The following GMCL1 variants were observed in gnomAD, a reference collection of about 807,000 sequenced individuals.
The protein encoded by GMCL1 is germ cell-less 1, spermatogenesis associated, also known as germ cell-less protein-like 1.
GMCL1 carries 54 observed loss-of-function variants against 75.5 expected under a neutral mutation model. The ratio of observed to expected loss-of-function variants is 0.71; its 90% CI spans 0.57 to 0.90. The LOEUF (loss-of-function observed/expected upper bound fraction) is 0.90. Ranked by LOEUF, GMCL1 falls within the 40% of genes least tolerant of loss-of-function variation. The probability of loss-of-function intolerance (pLI) is 0.00; values close to 1 mark genes in which losing one functional copy is unlikely to be tolerated. For synonymous variants in GMCL1, 210 were observed against 209.6 expected (o/e 1.00, Z -0.02); for missense variants, 537 against 622.7 (o/e 0.86, Z 1.47).
chr2:69,861,084 C>A (rs529040393), intron 9 of GMCL1, among the ~76,000 whole-genome samples, 194 bp from the exon 10 acceptor site: 1 of 151,432 alleles, frequency 6.6e-6, no homozygotes, highest in Non-Finnish European at 1.5e-5. Context: ...CTCAGGTGAT[C>A]CACCTGCCTT....
intron 9 of GMCL1, among the ~76,000 whole-genome samples, chr2:69,857,559 T>C (rs1675511136): frequency 6.6e-6 from 1 of 152,224 alleles, no homozygotes; most frequent in African/African-American, 2.4e-5. Flanking sequence ...AATGAAAAGG[T>C]ATGTAAATCC....
rs767583680 is a variant in GMCL1 at position 69,849,779 on chromosome 2, G to T, written c.934+37G>T. The stretch of plus-strand genomic sequence containing the variant: ...GTTTTTGAGAACTTGTCTTTTAAAA[G>T]GAAATTTGTTAAAATCAGGCCCCAT... On this transcript the variant is annotated intron_variant, in intron 8 of 13. Coordinates refer to ENST00000282570, the MANE Select transcript of GMCL1 (RefSeq NM_178439.5). 20 of 1,333,870 alleles carry T rather than the reference G, an allele frequency of 1.5e-5. No homozygotes were observed. The East Asian group carries it at 4.6e-4, about 31-fold the overall frequency. The allele number at this position is 1,333,870 out of a possible 1,614,324, so 82.6% of individuals were successfully genotyped here.
At chr2:69,850,948 T>G (rs1675302069) in intron 8 of GMCL1, among the ~76,000 whole-genome samples, 1 of 152,240 alleles carries the variant, frequency 6.6e-6, no homozygotes, top group East Asian at 1.9e-4. Flanking sequence ...AGAGATTGAA[T>G]GACTCTTAAT....
intron 7 of GMCL1, among the ~76,000 whole-genome samples, chr2:69,848,049 C>T (rs1031651882): frequency 6.6e-6 from 1 of 152,016 alleles, no homozygotes; most frequent in Non-Finnish European, 1.5e-5. Context: ...ATATGTTTTA[C>T]TTCATGCTTT....
chr2:69,871,718 T>A (rs772457933), intron 12 of GMCL1, 27 bp from the exon 13 acceptor site: 11 of 1,248,338 alleles, frequency 8.8e-6, no homozygotes, highest in African/African-American at 1.5e-5. Context: ...ATCTTGTGTT[T>A]ATTTTTTATT....
rs1479307419 is a variant in GMCL1 at position 69,830,156 on chromosome 2, C to A, written c.260+4C>A. ...GGCTCCTCAACACCCCTCGAAGGTA[C>A]GTGGGGGCACGCACCCGCGCGGACC... On this transcript the variant is annotated splice_donor_region_variant and intron_variant, in intron 1 of 13. Coordinates refer to ENST00000282570, the MANE Select transcript of GMCL1 (RefSeq NM_178439.5). 1.3e-6 allele frequency: 2 copies of A among 1,555,906 alleles called. No homozygotes were observed. Among genetic ancestry groups the A allele is most frequent in the Non-Finnish European group, 1.7e-6 (2 of 1,149,830 alleles).
intron 9 of GMCL1, among the ~76,000 whole-genome samples, chr2:69,860,396 A>G (rs910562387): frequency 6.6e-6 from 1 of 152,110 alleles, no homozygotes; most frequent in South Asian, 2.1e-4. Flanking sequence ...GTCTGTAATT[A>G]CAATTTTTAT....
intron 9 of GMCL1, 50 bp from the exon 10 acceptor site, chr2:69,861,228 T>G (rs1363536157): frequency 3.2e-6 from 4 of 1,261,866 alleles, no homozygotes; most frequent in African/African-American, 3.0e-5. Context: ...TTAAATCCTT[T>G]ATGTTCTTCA....
At chr2:69,861,144 A>T in intron 9 of GMCL1, 134 bp from the exon 10 acceptor site, 1 of 635,904 alleles carries the variant, frequency 1.6e-6, no homozygotes, top group Non-Finnish European at 2.6e-6. Flanking sequence ...TGCTTGGCCT[A>T]AGCTACCTAA....
At chr2:69,853,822 A>T (rs957084317) in intron 8 of GMCL1, among the ~76,000 whole-genome samples, 2 of 152,102 alleles carry the variant, frequency 1.3e-5, no homozygotes, top group African/African-American at 2.4e-5. Flanking sequence ...TCTTTTTTTG[A>T]GACAGAGTTT....
intron 13 of GMCL1, among the ~76,000 whole-genome samples, chr2:69,874,505 T>G (rs1676068179): frequency 6.6e-6 from 1 of 152,084 alleles, no homozygotes; most frequent in South Asian, 2.1e-4. Flanking sequence ...TGCCTTGGCC[T>G]CCCAAAGTGC....
chr2:69,855,098 C>T (rs1248104034), intron 9 of GMCL1, 138 bp downstream of exon 9: 13 of 630,156 alleles, frequency 2.1e-5, no homozygotes, highest in Non-Finnish European at 3.4e-5. Flanking sequence ...AAAGTGGAAT[C>T]ATCCTATAGA....
intron 6 of GMCL1, among the ~76,000 whole-genome samples, chr2:69,845,325 G>T (rs947840489): frequency 6.6e-6 from 1 of 152,198 alleles, no homozygotes; most frequent in Non-Finnish European, 1.5e-5. Flanking sequence ...GTCCAAGCTG[G>T]AATAATAGGA....
intron 10 of GMCL1, among the ~76,000 whole-genome samples, chr2:69,864,331 A>G (rs559854694): frequency 7.9e-5 from 12 of 152,114 alleles, no homozygotes; most frequent in Admixed American, 3.9e-4. Context: ...GATGCTAATT[A>G]TAATACCATA....
chr2:69,840,607 G>A (rs528465888), intron 3 of GMCL1, among the ~76,000 whole-genome samples: 2 of 152,246 alleles, frequency 1.3e-5, no homozygotes, highest in Admixed American at 6.5e-5. Context: ...TTGAGTCTGC[G>A]TATTTGTACT....
At chr2:69,848,688 CTGCTTTT>C (rs1045864933) in intron 7 of GMCL1, among the ~76,000 whole-genome samples, 3 of 152,190 alleles carry the variant, frequency 2.0e-5, no homozygotes, top group African/African-American at 4.8e-5. Flanking sequence ...GTTATTAAAA[CTGCTTTT>C]TGCCAGTAAT....
At chr2:69,840,862 G>T in intron 3 of GMCL1, 80 bp from the exon 4 acceptor site, 2 of 874,162 alleles carry the variant, frequency 2.3e-6, no homozygotes, top group Admixed American at 4.5e-5. Context: ...TGTGTGTGAA[G>T]ACAGTCGTTG....
intron 8 of GMCL1, among the ~76,000 whole-genome samples, chr2:69,852,747 C>T (rs1675355244): frequency 6.6e-6 from 1 of 152,184 alleles, no homozygotes; most frequent in African/African-American, 2.4e-5. Context: ...CCATGTTGGC[C>T]AGGCTGGTCT....
At chr2:69,875,566 T>C (rs1676107676) in intron 13 of GMCL1, among the ~76,000 whole-genome samples, 2 of 152,344 alleles carry the variant, frequency 1.3e-5, no homozygotes, top group African/African-American at 4.8e-5. Flanking sequence ...GGACCATTGA[T>C]GTCTTCCTTT....
Sources: gnomAD v4.1 joint callset for allele counts (sites outside exome capture counted in the v4.1 genomes callset) on GRCh38, gnomAD v4.1.1 for gene constraint, MANE v1.5 for transcripts, NCBI Gene and HGNC (gene_info 2026-07-23, HGNC 2026-07-21) for gene names.